ABCA7: variants seen among roughly 807,000 people sequenced by gnomAD.
The protein encoded by ABCA7 is ATP binding cassette subfamily A member 7.
ABCA7 carries 261 observed loss-of-function variants against 227.6 expected under a neutral mutation model. That is an observed-to-expected ratio of 1.15 (90% CI 1.04 to 1.27). ABCA7 has a LOEUF of 1.27. Among genes scored for constraint, ABCA7 ranks in the 50% most tolerant of loss-of-function variants. The pLI is 0.00. For missense variants in ABCA7, 3,331 were observed against 2,924.5 expected (o/e 1.14, Z -3.21); for synonymous variants, 1,488 against 1,279.7 (o/e 1.16, Z -3.47).
chr19:1,041,740 C>T (rs1201847695), intron 3 of ABCA7, 91 bp from the exon 4 acceptor site: 17 of 1,584,684 alleles, frequency 1.1e-5, no homozygotes, highest in Non-Finnish European at 1.5e-5. Context: ...AGCTCTCCAT[C>T]GCTGGAGGCA....
In ABCA7 at chr19:1,063,648, G is replaced by A; in HGVS notation, c.5817G>A (p.Ala1939=). The A allele has an allele frequency of 6.2e-7, 1 of 1,609,468 alleles. No homozygotes were observed. The highest frequency in any genetic ancestry group is 8.5e-7 in the Non-Finnish European group (1 of 1,179,070). The part of the protein sequence containing the change: ...GNKRKLATAL[A]LVGDPAVVFL... ...AACGCAAGCTGGCGACGGCCCTGGC[G>A]CTGGTTGGGGACCCAGCCGTGGTGT... The change falls in exon 43 of 47, where the codon GCG becomes GCA. Residue 1939 remains alanine (A), a synonymous_variant. Coordinates refer to ENST00000263094, the MANE Select transcript of ABCA7 (RefSeq NM_019112.4).
At chr19:1,046,721 C>G (rs1388539305) in intron 13 of ABCA7, 81 bp from the exon 14 acceptor site, 1 of 1,397,722 alleles carries the variant, frequency 7.2e-7, no homozygotes, top group African/African-American at 1.4e-5. Context: ...TCCCGGGACA[C>G]GAACCAGTCG....
At position 1,048,873 on chromosome 19, in the gene ABCA7, T is replaced by G. The variant is rs1203057698; in HGVS notation, c.2270-22T>G. ...CACTCCTGGGGGGTGGGCTAAGCAA[T>G]AACCCGCGCCCCTCCCCGCAGGCCA... On this transcript the variant is annotated intron_variant, in intron 16 of 46. Coordinates refer to ENST00000263094, the MANE Select transcript of ABCA7 (RefSeq NM_019112.4). 2.9e-6 allele frequency: 4 copies of G among 1,381,702 alleles called. No homozygotes were observed. The Admixed American group carries it at 6.2e-5, about 21-fold the overall frequency. 85.6% of individuals were successfully genotyped at this position (1,381,702 alleles called of 1,614,324 possible).
At chr19:1,052,813 G>A (rs1030667378) in intron 23 of ABCA7, among the ~76,000 whole-genome samples, 12 of 151,666 alleles carry the variant, frequency 7.9e-5, no homozygotes, top group Non-Finnish European at 1.5e-4. Flanking sequence ...CTTGAACACT[G>A]ACCCCACCTT....
intron 16 of ABCA7, among the ~76,000 whole-genome samples, chr19:1,048,506 AAAAC>A (rs1359394668): frequency 0.044 from 5,535 of 126,624 alleles, 972 homozygotes; most frequent in East Asian, 0.19. Flanking sequence ...CAAAAAAAAA[AAAAC>A]AAAAAAAAAA....
At position 1,051,234 on chromosome 19, in the gene ABCA7, C is replaced by A. The variant is rs770953527; in HGVS notation, c.2764C>A (p.Arg922Ser). The A allele has an allele frequency of 6.2e-7, 1 of 1,610,434 alleles. No homozygotes were observed. Among genetic ancestry groups the A allele is most frequent in the Non-Finnish European group, 8.5e-7 (1 of 1,179,502 alleles). The change falls in exon 20 of 47, where the codon CGT (arginine) becomes AGT (serine). Residue 922 changes from arginine (R) to serine (S), a missense_variant. By Grantham distance (110) the Arg-to-Ser change is moderately radical. Transcript: ENST00000263094. Reference protein sequence around the residue: ...SAAVVGPEQDRLLQDVGLVSK... With the variant: ...SAAVVGPEQDSLLQDVGLVSK... ...CGCTGTAGTGGGCCCCGAGCAGGAC[C>A]GTCTGCTGCAGGATGTGGGGCTGGT...
intron 40 of ABCA7, among the ~76,000 whole-genome samples, chr19:1,060,125 C>G (rs2042557043): frequency 6.6e-6 from 1 of 152,040 alleles, no homozygotes; most frequent in South Asian, 2.1e-4. Flanking sequence ...TTGCTGTGTG[C>G]CACTTATTGG....
At chr19:1,043,580 G>A in intron 9 of ABCA7, 107 bp downstream of exon 9, 2 of 1,584,806 alleles carry the variant, frequency 1.3e-6, no homozygotes, top group Non-Finnish European at 1.7e-6. Flanking sequence ...GAAACTATTT[G>A]AAGAAGTAGG....
At position 1,051,598 on chromosome 19, in the gene ABCA7, G is replaced by A; in HGVS notation, c.2962+12G>A. On this transcript the variant is annotated intron_variant, in intron 21 of 46. Transcript: ENST00000263094. ...CAAATACCGAGAAGGTAAGAGCTGG[G>A]GATTCTGCTCGAGGGGCCAGAAAAG... The A allele has an allele frequency of 6.2e-7, 1 of 1,606,532 alleles. No homozygotes were observed. The highest frequency in any genetic ancestry group is 8.5e-7 in the Non-Finnish European group (1 of 1,175,466).
intron 16 of ABCA7, among the ~76,000 whole-genome samples, chr19:1,048,595 G>A (rs1234937688): frequency 6.6e-6 from 1 of 151,402 alleles, no homozygotes; most frequent in Admixed American, 6.6e-5. Context: ...AGATCACGAG[G>A]TCAGGAGATG....
At position 1,054,050 on chromosome 19, in the gene ABCA7, G is replaced by T. The variant is rs1354294984; in HGVS notation, c.3517G>T (p.Asp1173Tyr). The T allele has an allele frequency of 1.9e-6, 3 of 1,613,258 alleles. No homozygotes were observed. In the African/African-American group the frequency reaches 4.0e-5, roughly 22 times the overall value. ...CCTATGCACAGGCATTGCTGGCCTA[G>T]ACGTAACCCTACGGCTCAAGATGCC... is the stretch of plus-strand genomic sequence containing the variant. ...QHLCTGIAGLDVTLRLKMPPQ... is the reference protein window; with the variant it reads ...QHLCTGIAGLYVTLRLKMPPQ... Residue 1173 changes from aspartate to tyrosine, a missense_variant, in exon 26 of 47, where the codon GAC (aspartate) becomes TAC (tyrosine). Coordinates refer to ENST00000263094, the MANE Select transcript of ABCA7 (RefSeq NM_019112.4). This position sits in a 1 kb window ranked among gnomAD's most constrained non-coding sequence, Gnocchi z 4.8.
At chr19:1,046,028 A>C (rs2040611707) in intron 12 of ABCA7, among the ~76,000 whole-genome samples, 1 of 152,076 alleles carries the variant, frequency 6.6e-6, no homozygotes, top group Non-Finnish European at 1.5e-5. Flanking sequence ...TAAATGAATA[A>C]AATTAGCCAG....
rs778725676 is a variant in ABCA7, at chr19:1,056,278, C to T, written c.4416+35C>T. On this transcript the variant is annotated intron_variant, in intron 32 of 46. Transcript: ENST00000263094. The surrounding 1 kb of genome is among the most constrained non-coding windows in gnomAD (Gnocchi z 4.3). ...GGGGGGGCAGGTGGGCGTCCTGTCA[C>T]AGCAAGGTCCAACCCCATTGCTCTG... The T allele has an allele frequency of 1.3e-6, 2 of 1,595,180 alleles. No homozygotes were observed. The highest frequency in any genetic ancestry group is 2.7e-5 in the African/African-American group (2 of 74,730).
intron 21 of ABCA7, 116 bp from the exon 22 acceptor site, chr19:1,051,826 T>G: frequency 7.2e-7 from 1 of 1,395,728 alleles, no homozygotes; most frequent in Admixed American, 1.9e-5. Context: ...GGGGATGAGG[T>G]TTTGAGGGAT....
chr19:1,045,300 G>A, intron 12 of ABCA7, 69 bp downstream of exon 12: 7 of 1,383,214 alleles, frequency 5.1e-6, no homozygotes, highest in Non-Finnish European at 6.9e-6. Context: ...GTGGGGCCAG[G>A]CAGCATTCAG....
Position 1,056,171 on chromosome 19 carries a change from C to T in ABCA7, c.4344C>T (p.Gly1448=), listed in dbSNP as rs368934973. ...GGGCGCTGCTGAGTCCCCTGCCTGG[C>T]GGGGCCCTCGACCGTGTCCTGAAAA... ...ELWALLSPLP[G]GALDRVLKNL... The change falls in exon 32 of 47, where the codon GGC becomes GGT. Residue 1448 remains glycine, a synonymous_variant. Coordinates refer to ENST00000263094, the MANE Select transcript of ABCA7 (RefSeq NM_019112.4). The surrounding 1 kb of genome is among the most constrained non-coding windows in gnomAD (Gnocchi z 4.3). 1.7e-5 allele frequency: 27 copies of T among 1,608,144 alleles called. No individual in the cohort carries two copies. The highest frequency in any genetic ancestry group is 8.0e-5 in the African/African-American group (6 of 74,918).
Position 1,056,389 on chromosome 19 carries a change from C to A in ABCA7, c.4476C>A (p.Asn1492Lys). Residue 1492 changes from asparagine to lysine, a missense_variant, in exon 33 of 47, where the codon AAC (asparagine) becomes AAA (lysine). By Grantham distance (94) the Asn-to-Lys change is moderately conservative. Coordinates refer to ENST00000263094, the MANE Select transcript of ABCA7 (RefSeq NM_019112.4). The surrounding 1 kb of genome is among the most constrained non-coding windows in gnomAD (Gnocchi z 4.3). ...SMVAFVNRASNAILRAHLPPG... is the reference protein window; with the variant it reads ...SMVAFVNRASKAILRAHLPPG... ...TGGCCTTTGTCAACCGAGCCAGCAACGCAATCCTCCGTGCTCACCTGCCCC... is the reference window on the plus strand; with the variant it reads ...TGGCCTTTGTCAACCGAGCCAGCAAAGCAATCCTCCGTGCTCACCTGCCCC... The A allele has an allele frequency of 6.2e-7, 1 of 1,613,594 alleles. No individual in the cohort carries two copies. Among genetic ancestry groups the A allele is most frequent in the African/African-American group, 1.3e-5 (1 of 75,010 alleles).
At chr19:1,053,603 T>A in intron 24 of ABCA7, 72 bp downstream of exon 24, 1 of 1,530,286 alleles carries the variant, frequency 6.5e-7, no homozygotes, top group South Asian at 1.2e-5. Flanking sequence ...TTTTGAAGGA[T>A]GAATAGCGTG....
chr19:1,061,788 G>A lies in ABCA7; in HGVS notation c.5470G>A (p.Gly1824Arg). ...TCTGTGGGCATCCCTGTAGTGTTTT[G>A]GGCTGCTGGGTGTGAATGGAGCAGG... Reference protein sequence around the residue: ...CLGIPPGECFGLLGVNGAGKT... With the variant: ...CLGIPPGECFRLLGVNGAGKT... Residue 1824 changes from glycine (G) to arginine (R), a missense_variant, in exon 41 of 47, where the codon GGG becomes AGG. Transcript: ENST00000263094. The A allele has an allele frequency of 6.2e-7, 1 of 1,613,088 alleles. No individual in the cohort carries two copies. Among genetic ancestry groups the A allele is most frequent in the Non-Finnish European group, 8.5e-7 (1 of 1,179,524 alleles).
Sources: allele counts gnomAD v4.1 joint callset (sites outside exome capture counted in the v4.1 genomes callset), GRCh38; gene constraint gnomAD v4.1.1; non-coding constraint Gnocchi (gnomAD v3.1); transcripts MANE v1.5; gene names NCBI Gene and HGNC (gene_info 2026-07-23, HGNC 2026-07-21).